The following CYBA variants were observed in gnomAD, a reference collection of about 807,000 sequenced individuals.
CYBA encodes cytochrome b-245 light chain.
In CYBA, 21 loss-of-function variants were observed where a neutral mutation model predicts 20.8. The observed-to-expected ratio is 1.01, with a 90% CI of 0.72 to 1.46. The LOEUF is 1.46. Ranked by LOEUF, CYBA falls within the 40% of genes most tolerant of loss-of-function variation. The pLI is 0.00. For synonymous variants in CYBA, 164 were observed against 127.5 expected, an observed-to-expected ratio of 1.29 and a Z score of -1.93; for missense variants, 344 against 287.0, an observed-to-expected ratio of 1.20 and a Z score of -1.43.
Position 88,643,963 on chromosome 16 carries a change from G to A in CYBA, c.370-392C>T, listed in dbSNP as rs556226518. Among the ~76,000 whole-genome samples, 52 of 152,274 alleles carry A rather than the reference G, an allele frequency of 3.4e-4. No homozygotes were observed. The highest frequency in any genetic ancestry group is 1.0e-3 in the South Asian group (5 of 4,810). On this transcript the variant is annotated intron_variant, in intron 5 of 5. Coordinates refer to ENST00000261623, the MANE Select transcript of CYBA (RefSeq NM_000101.4). This position sits in a 1 kb window ranked among gnomAD's most constrained non-coding sequence, Gnocchi z 4.3. ...CCAGGAGAGTAGCAGGCCCTGCTCC[G>A]TCTGGTGGGCGCCATTCACCCACGC...
rs2142883490 is a variant in CYBA at position 88,650,997 on chromosome 16, C to T, written c.17G>A (p.Trp6Ter). The change falls in exon 1 of 6, where the codon TGG becomes TAG. Residue 6 changes from tryptophan (W) to a stop codon, truncating the protein, a stop_gained. Transcript: ENST00000261623. LOFTEE classifies it high-confidence loss of function. The part of the protein sequence containing the change: MGQIE[W>*]AMWANEQALA... Reference sequence around the variant, plus strand: ...CGCCTGTTCGTTGGCCCACATGGCCCACTCGATCTGCCCCATGGCGACACG... The same window carrying T: ...CGCCTGTTCGTTGGCCCACATGGCCTACTCGATCTGCCCCATGGCGACACG... The T allele has an allele frequency of 6.3e-7, 1 of 1,597,986 alleles. No individual in the cohort carries two copies. Among genetic ancestry groups the T allele is most frequent in the Non-Finnish European group, 8.5e-7 (1 of 1,173,936 alleles).
chr16:88,648,814 T>C (rs1907389836), intron 1 of CYBA, among the ~76,000 whole-genome samples: 1 of 151,886 alleles, frequency 6.6e-6, no homozygotes, highest in South Asian at 2.1e-4. Context: ...GACAGGGTTT[T>C]CACCACATTG....
intron 3 of CYBA, 128 bp downstream of exon 3, chr16:88,646,973 G>C (rs2142875793): frequency 8.3e-7 from 1 of 1,198,126 alleles, no homozygotes; most frequent in South Asian, 1.3e-5. Flanking sequence ...ACCGGCCTTG[G>C]TTTACCCACA....
At position 88,646,777 on chromosome 16, in the gene CYBA, C is replaced by A; in HGVS notation, c.265G>T (p.Val89Phe). The change falls in exon 4 of 6, where the codon GTT becomes TTT. Residue 89 changes from valine (V) to phenylalanine (F), a missense_variant. Physicochemically the swap from Val to Phe is conservative, Grantham distance 50. Transcript: ENST00000261623. ...CACAGGAGATGCAGGACGGCCCGAA[C>A]ATAGTAATTCCTGGTAAAGGGCCCG... Reference protein sequence around the residue: ...LFGPFTRNYYVRAVLHLLLSV... With the variant: ...LFGPFTRNYYFRAVLHLLLSV... 1.2e-6 allele frequency: 2 copies of A among 1,613,972 alleles called. No individual in the cohort carries two copies. The highest frequency in any genetic ancestry group is 1.7e-6 in the Non-Finnish European group (2 of 1,179,988).
chr16:88,649,201 T>G (rs1436816329), intron 1 of CYBA, among the ~76,000 whole-genome samples: 1 of 152,240 alleles, frequency 6.6e-6, no homozygotes, highest in Non-Finnish European at 1.5e-5. Flanking sequence ...CCTCCCAAAG[T>G]GCTAGGATTA....
rs1597371273 is a variant in CYBA at position 88,644,794 on chromosome 16, C to T, written c.370-1223G>A. 4 of 260,426 alleles carry T rather than the reference C, an allele frequency of 1.5e-5. No individual in the cohort carries two copies. In the East Asian group the frequency reaches 2.7e-4, roughly 18 times the overall value. The allele number at this position is 260,426 out of a possible 1,614,324, so 16.1% of individuals were successfully genotyped here. A position where few individuals can be genotyped will look rare whatever the true frequency, so the allele number is the denominator to read the frequency against. On this transcript the variant is annotated intron_variant, in intron 5 of 5. Coordinates refer to ENST00000261623, the MANE Select transcript of CYBA (RefSeq NM_000101.4). ...GAGCCGAGATCACGCCACTGCACTC[C>T]AGCCTGGGCGATGGCGCGAGACTCC... is the stretch of plus-strand genomic sequence containing the variant.
chr16:88,650,511 A>G (rs1907475811), intron 1 of CYBA: 1 of 471,962 alleles, frequency 2.1e-6, no homozygotes, highest in South Asian at 1.5e-5. Flanking sequence ...GCATGAGCCC[A>G]TTCCCCACCC....
chr16:88,643,538 C>A lies in CYBA; in HGVS notation c.403G>T (p.Glu135Ter), dbSNP rs114610092. ...AVRGEQWTPIEPKPRERPQIG... is the reference protein window; with the variant it reads ...AVRGEQWTPI ...TGCGGCCGCTCCCGGGGCTTGGGCT[C>A]GATGGGCGTCCACTGCTCGCCACGC... Residue 135 changes from glutamate (E) to a stop codon, truncating the protein, a stop_gained, in exon 6 of 6, where the codon GAG becomes TAG. Coordinates refer to ENST00000261623, the MANE Select transcript of CYBA (RefSeq NM_000101.4). LOFTEE classifies it high-confidence loss of function. The surrounding 1 kb of genome is among the most constrained non-coding windows in gnomAD (Gnocchi z 4.3). The A allele has an allele frequency of 6.5e-7, 1 of 1,535,006 alleles. No homozygotes were observed. Among genetic ancestry groups the A allele is most frequent in the Non-Finnish European group, 8.7e-7 (1 of 1,146,754 alleles).
At position 88,643,544 on chromosome 16, in the gene CYBA, G is replaced by C. The variant is rs1246498496; in HGVS notation, c.397C>G (p.Pro133Ala). 1.3e-6 allele frequency: 2 copies of C among 1,534,810 alleles called. No homozygotes were observed. The highest frequency in any genetic ancestry group is 2.0e-5 in the Admixed American group (1 of 51,020). Residue 133 changes from proline (P) to alanine (A), a missense_variant, in exon 6 of 6, where the codon CCC becomes GCC. Transcript: ENST00000261623. The surrounding 1 kb of genome is among the most constrained non-coding windows in gnomAD (Gnocchi z 4.3). ...CGCTCCCGGGGCTTGGGCTCGATGG[G>C]CGTCCACTGCTCGCCACGCACAGCC... ...LAAVRGEQWT[P>A]IEPKPRERPQ...
At chr16:88,644,423 C>T (rs948043646) in intron 5 of CYBA, among the ~76,000 whole-genome samples, 11 of 152,218 alleles carry the variant, frequency 7.2e-5, no homozygotes, top group Admixed American at 5.9e-4. Flanking sequence ...AAGGACTCCA[C>T]GCGCCAAGTT....
At position 88,646,177 on chromosome 16, in the gene CYBA, A is replaced by G. The variant is rs544909247; in HGVS notation, c.308T>C (p.Phe103Ser). Residue 103 changes from phenylalanine (F) to serine (S), a missense_variant, in exon 5 of 6, where the codon TTC becomes TCC. Physicochemically the swap from Phe to Ser is radical, Grantham distance 155. Transcript: ENST00000261623. The stretch of plus-strand genomic sequence containing the variant: ...GGTCCCAAGGATGGTGGCCAGCAGG[A>G]AGCCGGCGGGCACCGAGAGCCTGGG... ...LHLLLSVPAG[F>S]LLATILGTAC... 5.8e-6 allele frequency: 9 copies of G among 1,557,450 alleles called. No individual in the cohort carries two copies. The South Asian group carries it at 9.4e-5, about 16-fold the overall frequency.
intron 1 of CYBA, among the ~76,000 whole-genome samples, chr16:88,649,161 TCTC>T (rs1907411980): frequency 1.3e-5 from 2 of 151,090 alleles, no homozygotes; most frequent in Middle Eastern, 3.5e-3. Context: ...ATGGTCTCGA[TCTC>T]CTGACCTCGT....
chr16:88,643,406 G>C lies in CYBA; in HGVS notation c.535C>G (p.Pro179Ala). The C allele has an allele frequency of 6.5e-7, 1 of 1,534,026 alleles. No homozygotes were observed. Among genetic ancestry groups the C allele is most frequent in the South Asian group, 1.2e-5 (1 of 83,222 alleles). Residue 179 changes from proline (P) to alanine (A), a missense_variant, in exon 6 of 6, where the codon CCC (proline) becomes GCC (alanine). Physicochemically the swap from Pro to Ala is conservative, Grantham distance 27 (BLOSUM62 -1). Transcript: ENST00000261623. The surrounding 1 kb of genome is among the most constrained non-coding windows in gnomAD (Gnocchi z 4.3). ...GGGTTGACCTGGGGACCTCCCGGGG[G>C]TCCCCCCGCCGCCACCGCAGCCTCC... Reference protein sequence around the residue: ...EEEAAVAAGGPPGGPQVNPIP... With the variant: ...EEEAAVAAGGAPGGPQVNPIP...
chr16:88,643,639 G>T lies in CYBA; in HGVS notation c.370-68C>A. The T allele has an allele frequency of 7.4e-7, 1 of 1,360,308 alleles. No individual in the cohort carries two copies. Among genetic ancestry groups the T allele is most frequent in the Non-Finnish European group, 9.9e-7 (1 of 1,012,792 alleles). The allele number at this position is 1,360,308 out of a possible 1,614,324, so 84.3% of individuals were successfully genotyped here. On this transcript the variant is annotated intron_variant, in intron 5 of 5. Coordinates refer to ENST00000261623, the MANE Select transcript of CYBA (RefSeq NM_000101.4). This position sits in a 1 kb window ranked among gnomAD's most constrained non-coding sequence, Gnocchi z 4.3. ...CTCCCTCCCTCCCTCCCTCCCCGGA[G>T]GCCCACCCCGCTAGGGGCCCTGGGA...
In CYBA at chr16:88,643,365, G is replaced by C; in HGVS notation, c.576C>G (p.Asp192Glu). The C allele has an allele frequency of 2.6e-6, 4 of 1,527,138 alleles. No individual in the cohort carries two copies. The highest frequency in any genetic ancestry group is 3.5e-6 in the Non-Finnish European group (4 of 1,139,654). The allele number at this position is 1,527,138 out of a possible 1,614,324, so 94.6% of individuals were successfully genotyped here. ...GTCCGGGGCGAGGTCACACGACCTC[G>C]TCGGTCACCGGGATGGGGTTGACCT... Reference protein sequence around the residue: ...GPQVNPIPVTDEVV With the variant: ...GPQVNPIPVTEEVV Residue 192 changes from aspartate to glutamate, a missense_variant, in exon 6 of 6, where the codon GAC (aspartate) becomes GAG (glutamate). Asp to Glu is a conservative substitution (Grantham distance 45, BLOSUM62 2). Coordinates refer to ENST00000261623, the MANE Select transcript of CYBA (RefSeq NM_000101.4). This position sits in a 1 kb window ranked among gnomAD's most constrained non-coding sequence, Gnocchi z 4.3.
chr16:88,643,686 C>A lies in CYBA; in HGVS notation c.370-115G>T. 1 of 1,002,818 alleles carries A rather than the reference C, an allele frequency of 1.0e-6. No homozygotes were observed. The highest frequency in any genetic ancestry group is 2.1e-5 in the Admixed American group (1 of 47,988). 62.1% of individuals were successfully genotyped at this position (1,002,818 alleles called of 1,614,324 possible). ...GGGACAGGCTCAAGTCTGAATCCCA[C>A]GCAGGATGGTGTGACTGCCACTCAG... On this transcript the variant is annotated intron_variant, in intron 5 of 5. Coordinates refer to ENST00000261623, the MANE Select transcript of CYBA (RefSeq NM_000101.4). The surrounding 1 kb of genome is among the most constrained non-coding windows in gnomAD (Gnocchi z 4.3).
In CYBA at chr16:88,643,372, A is replaced by C. The variant is rs1907149734; in HGVS notation, c.569T>G (p.Val190Gly). The change falls in exon 6 of 6, where the codon GTG (valine) becomes GGG (glycine). Residue 190 changes from valine to glycine, a missense_variant. Val to Gly is a moderately radical substitution (Grantham distance 109, BLOSUM62 -3). Transcript: ENST00000261623. This position sits in a 1 kb window ranked among gnomAD's most constrained non-coding sequence, Gnocchi z 4.3. ...PGGPQVNPIP[V>G]TDEVV ...GCGAGGTCACACGACCTCGTCGGTC[A>C]CCGGGATGGGGTTGACCTGGGGACC... 6.5e-7 allele frequency: 1 copy of C among 1,527,502 alleles called. No individual in the cohort carries two copies. The highest frequency in any genetic ancestry group is 1.2e-5 in the South Asian group (1 of 82,510). 94.6% of individuals were successfully genotyped at this position (1,527,502 alleles called of 1,614,324 possible).
chr16:88,648,051 TAGGC>T lies in CYBA; in HGVS notation c.118_121del (p.Ala40ThrfsTer33). 1 of 1,612,398 alleles carries T rather than the reference TAGGC, an allele frequency of 6.2e-7. No homozygotes were observed. On this transcript the variant is annotated frameshift_variant, in exon 2 of 6. Transcript: ENST00000261623. LOFTEE classifies it high-confidence loss of function. The stretch of plus-strand genomic sequence containing the variant: ...GCCTCAGGTGGAAGGATACATGGAG[TAGGC>T]ACCAAAGTACCACTGGGTGAAGCGC...
intron 5 of CYBA, chr16:88,644,963 G>A (rs866105273): frequency 1.2e-4 from 69 of 593,494 alleles, no homozygotes; most frequent in Non-Finnish European, 1.4e-4. Context: ...AGCTCCACAC[G>A]GCCAGCTCGT....
Sources: gnomAD v4.1 joint callset for allele counts (sites outside exome capture counted in the v4.1 genomes callset) on GRCh38, gnomAD v4.1.1 for gene constraint, Gnocchi (gnomAD v3.1) non-coding constraint, MANE v1.5 for transcripts, NCBI Gene and HGNC (gene_info 2026-07-23, HGNC 2026-07-21) for gene names.